Variants in AFG2A observed in about 807,000 individuals in gnomAD.
AFG2A encodes AAA ATPase AFG2A, also known as ATPase family gene 2 protein homolog A.
the AFG2A span, among the ~76,000 whole-genome samples, chr4:123,051,514 A>G: frequency 2.0e-5 from 3 of 151,956 alleles, no homozygotes; most frequent in African/African-American, 4.8e-5. Context: ...CTAAAGATAT[A>G]AGTGATTTAA....
chr4:123,141,751 T>G, the AFG2A span, among the ~76,000 whole-genome samples: 2 of 152,224 alleles, frequency 1.3e-5, no homozygotes, highest in African/African-American at 2.4e-5. Context: ...TGAGCTGGGT[T>G]GTTTGTTTTT....
the AFG2A span, among the ~76,000 whole-genome samples, chr4:123,146,859 A>G: frequency 6.6e-6 from 1 of 152,226 alleles, no homozygotes; most frequent in African/African-American, 2.4e-5. Flanking sequence ...GTTGCTAGGG[A>G]CATACACCTA....
chr4:123,228,561 C>T, the AFG2A span, among the ~76,000 whole-genome samples: 1 of 152,112 alleles, frequency 6.6e-6, no homozygotes, highest in South Asian at 2.1e-4. Flanking sequence ...ATTCGGAATA[C>T]TAATAGCGTT....
At chr4:122,931,698 G>A in the AFG2A span, among the ~76,000 whole-genome samples, 1 of 152,132 alleles carries the variant, frequency 6.6e-6, no homozygotes, top group Non-Finnish European at 1.5e-5. Context: ...CCCCAGGCCT[G>A]GAGCTTCTTC....
chr4:123,062,818 C>T, the AFG2A span, among the ~76,000 whole-genome samples: 2 of 152,184 alleles, frequency 1.3e-5, no homozygotes, highest in African/African-American at 4.8e-5. Flanking sequence ...CATTATGTGG[C>T]ACATGACTGT....
chr4:122,934,752 A>T, the AFG2A span: 1 of 1,533,742 alleles, frequency 6.5e-7, no homozygotes, highest in Non-Finnish European at 8.7e-7. Context: ...TGATGTCTTC[A>T]GTTTATTGCA....
the AFG2A span, among the ~76,000 whole-genome samples, chr4:123,157,066 A>T: frequency 4.6e-5 from 7 of 151,638 alleles, no homozygotes; most frequent in Non-Finnish European, 8.8e-5. Context: ...CTCAGGCTGG[A>T]GTGCAGTGGT....
chr4:122,952,871 A>G, the AFG2A span, among the ~76,000 whole-genome samples: 1 of 152,184 alleles, frequency 6.6e-6, no homozygotes, highest in Non-Finnish European at 1.5e-5. Context: ...GTATGTGTCC[A>G]GTGCCTCTCC....
chr4:123,038,752 C>T, the AFG2A span, among the ~76,000 whole-genome samples: 4 of 152,138 alleles, frequency 2.6e-5, no homozygotes, highest in African/African-American at 9.6e-5. Context: ...TATTCCAATG[C>T]GTATTTTCTT....
chr4:123,084,955 G>C, the AFG2A span, among the ~76,000 whole-genome samples: 1 of 151,852 alleles, frequency 6.6e-6, no homozygotes, highest in Non-Finnish European at 1.5e-5. Context: ...AATTTCTCTT[G>C]AAGTTTCTTT....
chr4:123,291,790 A>G, the AFG2A span, among the ~76,000 whole-genome samples: 2 of 152,012 alleles, frequency 1.3e-5, no homozygotes, highest in Non-Finnish European at 2.9e-5. Flanking sequence ...TTGTCTCACT[A>G]CTCTTAGAAT....
At chr4:123,069,084 C>T in the AFG2A span, among the ~76,000 whole-genome samples, 1 of 151,954 alleles carries the variant, frequency 6.6e-6, no homozygotes, top group Non-Finnish European at 1.5e-5. Context: ...GTCAGTGTGC[C>T]AAGTATACAG....
the AFG2A span, among the ~76,000 whole-genome samples, chr4:122,983,589 A>G: frequency 6.6e-6 from 1 of 151,534 alleles, no homozygotes; most frequent in Non-Finnish European, 1.5e-5. Context: ...ATGTTGTTTA[A>G]TTTCCAGATA....
the AFG2A span, among the ~76,000 whole-genome samples, chr4:122,941,707 G>C: frequency 6.6e-6 from 1 of 151,624 alleles, no homozygotes; most frequent in Non-Finnish European, 1.5e-5. Flanking sequence ...TCCCTGTCTT[G>C]TGCCAGTTTT....
the AFG2A span, among the ~76,000 whole-genome samples, chr4:123,185,678 T>C: frequency 6.6e-6 from 1 of 152,204 alleles, no homozygotes; most frequent in Non-Finnish European, 1.5e-5. Context: ...GATATGTTTT[T>C]TTCTTATACA....
At chr4:123,314,321 T>C in the AFG2A span, 1 of 251,084 alleles carries the variant, frequency 4.0e-6, no homozygotes, top group Non-Finnish European at 7.5e-6. Context: ...CTTTTTCATT[T>C]GCGACCTAGT....
At chr4:122,954,412 A>G in the AFG2A span, among the ~76,000 whole-genome samples, 1 of 151,994 alleles carries the variant, frequency 6.6e-6, no homozygotes, top group South Asian at 2.1e-4. Flanking sequence ...TTGTGGGTCT[A>G]CTCCCTGCAG....
chr4:123,086,196 T>A, the AFG2A span, among the ~76,000 whole-genome samples: 2 of 152,190 alleles, frequency 1.3e-5, no homozygotes, highest in Non-Finnish European at 2.9e-5. Context: ...TGAAGAACTT[T>A]AAACATTTCT....
chr4:123,091,550 A>G, the AFG2A span, among the ~76,000 whole-genome samples: 1 of 152,090 alleles, frequency 6.6e-6, no homozygotes, highest in African/African-American at 2.4e-5. Context: ...TACTAGTTAG[A>G]CTCCAGTTGC....
Sources: allele counts gnomAD v4.1 joint callset (sites outside exome capture counted in the v4.1 genomes callset), GRCh38; gene constraint gnomAD v4.1.1; transcripts MANE v1.5; gene names NCBI Gene and HGNC (gene_info 2026-07-23, HGNC 2026-07-21).